Variants in DDX31 observed in about 807,000 individuals in gnomAD.
The protein encoded by DDX31 is DEAD-box helicase 31, also known as ATP-dependent DNA helicase DDX31.
A neutral mutation model predicts 91.3 loss-of-function variants in DDX31; 70 were observed. The observed-to-expected ratio is 0.77, with a 90% CI of 0.63 to 0.94. The LOEUF (loss-of-function observed/expected upper bound fraction) is 0.94, where lower values mean the gene tolerates loss of function less well. Among genes scored for constraint, DDX31 ranks in the 40% least tolerant of loss-of-function variants. The probability of loss-of-function intolerance (pLI) is 0.00; values close to 1 mark genes in which losing one functional copy is unlikely to be tolerated. For synonymous variants in DDX31, 362 were observed against 350.6 expected (o/e 1.03, Z -0.36); for missense variants, 902 against 925.0 (o/e 0.98, Z 0.32).
rs769960539 is a variant in DDX31, at chr9:132,632,081, GC to G, written c.1450del (p.Ala484LeufsTer4). On this transcript the variant is annotated frameshift_variant, in exon 15 of 20. Transcript: ENST00000372159. LOFTEE classifies it high-confidence loss of function. ...GACTTGAGGGAGATCTAAGCCCCGA[GC>G]TGCAACATCCTTTAACAAAGAAAAG... The part of the protein sequence containing the change: ...RGVLLCTDVA[A>X]RGLDLPQVTW... The G allele has an allele frequency of 3.7e-6, 6 of 1,613,156 alleles. No individual in the cohort carries two copies. The Admixed American group carries it at 1.0e-4, about 27-fold the overall frequency.
intron 19 of DDX31, among the ~76,000 whole-genome samples, chr9:132,600,260 G>A (rs1477605363): frequency 6.6e-6 from 1 of 152,234 alleles, no homozygotes; most frequent in East Asian, 1.9e-4. Flanking sequence ...CAGACCAGCT[G>A]TTTTAGGGAT....
chr9:132,659,088 G>T (rs1354119429), intron 5 of DDX31, among the ~76,000 whole-genome samples: 1 of 152,206 alleles, frequency 6.6e-6, no homozygotes, highest in Non-Finnish European at 1.5e-5. Flanking sequence ...CCTCTCAGAT[G>T]AGCTTCAGTG....
intron 14 of DDX31, among the ~76,000 whole-genome samples, chr9:132,634,594 T>G (rs1832992414): frequency 2.7e-5 from 4 of 150,048 alleles, no homozygotes; most frequent in African/African-American, 9.8e-5. Context: ...TGTTTTTTTT[T>G]TTTTTTTTTT....
chr9:132,632,266 A>ACACAGTCCTG (rs1832822259), intron 14 of DDX31, among the ~76,000 whole-genome samples, 175 bp from the exon 15 acceptor site: 4 of 141,598 alleles, frequency 2.8e-5, no homozygotes, highest in Admixed American at 6.9e-5. Context: ...ACACACACAC[A>ACACAGTCCTG]CACACACACA....
At chr9:132,642,209 A>C (rs999199919) in intron 13 of DDX31, 146 bp from the exon 14 acceptor site, 4 of 715,920 alleles carry the variant, frequency 5.6e-6, no homozygotes, top group Non-Finnish European at 9.6e-6. Context: ...GAAGAAGCGG[A>C]TTCTTTACAT....
intron 5 of DDX31, 36 bp from the exon 6 acceptor site, chr9:132,658,771 C>G: frequency 1.3e-6 from 2 of 1,594,048 alleles, no homozygotes; most frequent in East Asian, 2.2e-5. Context: ...TAAAATCACA[C>G]ACCCTACAGA....
chr9:132,662,060 G>C (rs1248777382), intron 3 of DDX31, among the ~76,000 whole-genome samples: 1 of 152,014 alleles, frequency 6.6e-6, no homozygotes, highest in African/African-American at 2.4e-5. Context: ...GGGAAGGGGG[G>C]GCCAGAAAAC....
At chr9:132,631,148 A>C (rs1240538200) in intron 15 of DDX31, among the ~76,000 whole-genome samples, 1 of 152,220 alleles carries the variant, frequency 6.6e-6, no homozygotes, top group Non-Finnish European at 1.5e-5. Context: ...CATTAAAGCT[A>C]ATTGACCATC....
intron 19 of DDX31, among the ~76,000 whole-genome samples, chr9:132,608,634 T>C (rs1023220359): frequency 2.6e-5 from 4 of 152,184 alleles, no homozygotes; most frequent in African/African-American, 4.8e-5. Flanking sequence ...TAATATATAA[T>C]TATTCTAGGC....
chr9:132,614,657 C>T (rs995414448), intron 18 of DDX31, among the ~76,000 whole-genome samples: 2 of 152,302 alleles, frequency 1.3e-5, no homozygotes, highest in African/African-American at 4.8e-5. Flanking sequence ...CCCTGGTCAC[C>T]TCTCTTCCTC....
At chr9:132,602,238 C>T (rs1242442442) in intron 19 of DDX31, among the ~76,000 whole-genome samples, 5 of 152,200 alleles carry the variant, frequency 3.3e-5, no homozygotes, top group Non-Finnish European at 2.9e-5. Context: ...CACTGGGACG[C>T]CAGGGGTGCT....
chr9:132,597,222 G>A (rs575353402), intron 19 of DDX31, among the ~76,000 whole-genome samples: 3 of 152,236 alleles, frequency 2.0e-5, no homozygotes, highest in Non-Finnish European at 4.4e-5. Flanking sequence ...TGGGTCACCC[G>A]CCCAGTGCGG....
At chr9:132,656,849 T>A (rs945408890) in intron 6 of DDX31, among the ~76,000 whole-genome samples, 9 of 152,332 alleles carry the variant, frequency 5.9e-5, no homozygotes, top group African/African-American at 1.9e-4. Context: ...GAGACTTTAC[T>A]ACATGATTGT....
At chr9:132,650,325 A>C (rs756333549) in intron 8 of DDX31, 27 bp from the exon 9 acceptor site, 1 of 1,608,940 alleles carries the variant, frequency 6.2e-7, no homozygotes, top group Non-Finnish European at 8.5e-7. Flanking sequence ...GACCACAGTC[A>C]GTGCAAAGCC....
intron 19 of DDX31, among the ~76,000 whole-genome samples, chr9:132,608,548 C>T (rs899797565): frequency 5.3e-5 from 8 of 152,114 alleles, no homozygotes; most frequent in African/African-American, 1.4e-4. Context: ...CCTGAGCTCC[C>T]GCTTGGCATA....
intron 5 of DDX31, 126 bp from the exon 6 acceptor site, chr9:132,658,861 T>C: frequency 1.3e-6 from 1 of 786,326 alleles, no homozygotes. Flanking sequence ...AAAGGGAAAC[T>C]GCCCATTATA....
chr9:132,622,440 G>A (rs1832090605), intron 17 of DDX31, among the ~76,000 whole-genome samples: 2 of 152,212 alleles, frequency 1.3e-5, no homozygotes, highest in African/African-American at 4.8e-5. Flanking sequence ...GCTTGTTGCT[G>A]ACAGAGTGGA....
chr9:132,625,614 C>A, intron 17 of DDX31, 50 bp downstream of exon 17: 2 of 1,444,904 alleles, frequency 1.4e-6, no homozygotes, highest in Non-Finnish European at 1.9e-6. Flanking sequence ...TACCCCAAAT[C>A]AAGTGAGTCA....
intron 1 of DDX31, chr9:132,663,195 T>A: frequency 7.8e-7 from 1 of 1,289,446 alleles, no homozygotes; most frequent in South Asian, 1.2e-5. Flanking sequence ...TCTCAGCCCG[T>A]GCCCAGGAAG....
Sources: gnomAD v4.1 joint callset for allele counts (sites outside exome capture counted in the v4.1 genomes callset) on GRCh38, gnomAD v4.1.1 for gene constraint, MANE v1.5 for transcripts, NCBI Gene and HGNC (gene_info 2026-07-23, HGNC 2026-07-21) for gene names.